Variants in DCC observed in about 807,000 individuals in gnomAD.
DCC encodes the protein netrin receptor DCC.
DCC carries 58 observed loss-of-function variants against 172.5 expected under a neutral mutation model. The ratio of observed to expected loss-of-function variants is 0.34; its 90% CI spans 0.27 to 0.42. The LOEUF (loss-of-function observed/expected upper bound fraction) is 0.42. Among genes scored for constraint, DCC ranks in the 10% least tolerant of loss-of-function variants. The pLI, the probability that DCC is intolerant of heterozygous loss-of-function variation, is 1.00. For missense variants in DCC, 1,740 were observed against 1,791.0 expected (o/e 0.97, Z 0.51); for synonymous variants, 709 against 644.5 (o/e 1.10, Z -1.52).
intron 1 of DCC, among the ~76,000 whole-genome samples, chr18:52,695,429 T>C (rs2035997536): frequency 6.6e-6 from 1 of 152,328 alleles, no homozygotes; most frequent in South Asian, 2.1e-4. Flanking sequence ...GAGCAGAATC[T>C]TGGCTGCTCA....
intron 9 of DCC, among the ~76,000 whole-genome samples, chr18:53,198,678 T>C (rs569514589): frequency 3.3e-5 from 5 of 152,316 alleles, no homozygotes; most frequent in Non-Finnish European, 5.9e-5. Context: ...ATACATCTCA[T>C]TTACTCCAAC....
intron 1 of DCC, among the ~76,000 whole-genome samples, chr18:52,536,612 C>T (rs1163755774): frequency 1.3e-5 from 2 of 152,022 alleles, no homozygotes; most frequent in Non-Finnish European, 2.9e-5. Flanking sequence ...TCTCAATCTT[C>T]AAGAAAGGCA....
chr18:52,811,984 C>T (rs1016757565), intron 2 of DCC, among the ~76,000 whole-genome samples: 4 of 152,134 alleles, frequency 2.6e-5, no homozygotes, highest in African/African-American at 9.6e-5. Flanking sequence ...CAAAAGGCAA[C>T]TTTTAAGAAT....
At chr18:53,423,134 T>A (rs530383179) in intron 21 of DCC, among the ~76,000 whole-genome samples, 39 of 152,332 alleles carry the variant, frequency 2.6e-4, no homozygotes, top group African/African-American at 9.4e-4. Context: ...TAGGAATTGA[T>A]GTGATTCATG....
In DCC at chr18:53,226,934, G is replaced by GTGTA. The variant is rs34949557; in HGVS notation, c.1911+11338_1911+11339insGTAT. Among the ~76,000 whole-genome samples the GTGTA allele has an allele frequency of 8.5e-3, 578 of 68,000 alleles. 11 individuals carry two copies. Among genetic ancestry groups the GTGTA allele is most frequent in the Middle Eastern group, 0.032 (4 of 124 alleles). 44.6% of individuals were successfully genotyped at this position (68,000 alleles called of 152,430 possible). A position where few individuals can be genotyped will look rare whatever the true frequency, so the allele number is the denominator to read the frequency against. ...TGTAACTGTGTGTGTGTGTGTGTGT[G>GTGTA]TATATATATATATATTTTTTTTTTT... On this transcript the variant is annotated intron_variant, in intron 12 of 28. Transcript: ENST00000442544.
chr18:53,134,677 C>T (rs1003894814), intron 7 of DCC, among the ~76,000 whole-genome samples: 3 of 152,094 alleles, frequency 2.0e-5, no homozygotes, highest in African/African-American at 4.8e-5. Flanking sequence ...GGTGGGTAGA[C>T]TATAGTTAAA....
chr18:52,943,740 T>G (rs1206443090), intron 5 of DCC, among the ~76,000 whole-genome samples: 1 of 80,060 alleles, frequency 1.2e-5, no homozygotes, highest in African/African-American at 3.9e-5. Context: ...AATTTATGGT[T>G]TTTTTTTTTG....
chr18:52,456,560 A>G (rs1407779481), intron 1 of DCC, among the ~76,000 whole-genome samples: 1 of 152,204 alleles, frequency 6.6e-6, no homozygotes, highest in Non-Finnish European at 1.5e-5. Context: ...TAACGATATT[A>G]AGGTTTAAAA....
intron 7 of DCC, among the ~76,000 whole-genome samples, chr18:53,123,399 TAG>T (rs2043511431): frequency 6.6e-6 from 1 of 151,938 alleles, no homozygotes; most frequent in Non-Finnish European, 1.5e-5. Context: ...GTTTTGGGGC[TAG>T]ATCAGTGAAG....
chr18:52,879,412 C>CTTTTATTTTTT (rs2039448452), intron 2 of DCC, among the ~76,000 whole-genome samples: 1 of 62,356 alleles, frequency 1.6e-5, no homozygotes, highest in African/African-American at 6.9e-5. Flanking sequence ...TGTTGTTTGG[C>CTTTTATTTTTT]TTTTTTTTTT....
intron 17 of DCC, among the ~76,000 whole-genome samples, chr18:53,393,033 A>G (rs1908668854): frequency 6.6e-6 from 1 of 152,178 alleles, no homozygotes; most frequent in South Asian, 2.1e-4. Flanking sequence ...TGATTGGGGT[A>G]GCTCTTGAGG....
intron 19 of DCC, among the ~76,000 whole-genome samples, chr18:53,405,190 T>TAA (rs367591898): frequency 0.47 from 65,210 of 138,802 alleles, 15,409 homozygotes; most frequent in Non-Finnish European, 0.56. Context: ...TAATAAAAAG[T>TAA]AAAAAAAAAA....
At chr18:52,776,660 A>G (rs2037440327) in intron 2 of DCC, among the ~76,000 whole-genome samples, 1 of 152,162 alleles carries the variant, frequency 6.6e-6, no homozygotes, top group Non-Finnish European at 1.5e-5. Flanking sequence ...TAGTGGATCT[A>G]CTATACGATT....
intron 2 of DCC, among the ~76,000 whole-genome samples, chr18:52,905,468 G>GTGGAT (rs1212691626): frequency 3.9e-5 from 6 of 152,164 alleles, no homozygotes; most frequent in African/African-American, 1.4e-4. Context: ...CCTGGCAAAT[G>GTGGAT]TGGATGAACA....
chr18:52,370,559 G>C (rs1018282949), intron 1 of DCC, among the ~76,000 whole-genome samples: 3 of 152,144 alleles, frequency 2.0e-5, no homozygotes, highest in Non-Finnish European at 4.4e-5. Context: ...ACTCAGGCCT[G>C]TCAGGGGTGT....
chr18:53,292,404 C>T lies in DCC; in HGVS notation c.1912-13174C>T, dbSNP rs900900538. The stretch of plus-strand genomic sequence containing the variant: ...ATTTACTATTTAAAAAAAACCACCT[C>T]AGCCAGGCATGGTGGCTTACACCTG... On this transcript the variant is annotated intron_variant, in intron 12 of 28. Transcript: ENST00000442544. 3.1e-4 allele frequency among the ~76,000 whole-genome samples: 47 copies of T among 152,206 alleles called. No homozygotes were observed. In the East Asian group the frequency reaches 6.0e-3, roughly 19 times the overall value.
intron 1 of DCC, among the ~76,000 whole-genome samples, chr18:52,427,941 T>C (rs1987496946): frequency 6.7e-6 from 1 of 150,030 alleles, no homozygotes; most frequent in South Asian, 2.1e-4. Context: ...GCAGCTGATC[T>C]GGAGCCAAAA....
At chr18:52,900,028 T>C (rs2039788420) in intron 2 of DCC, among the ~76,000 whole-genome samples, 1 of 152,220 alleles carries the variant, frequency 6.6e-6, no homozygotes. Flanking sequence ...GTCTGGACGA[T>C]GGCTAGCAAA....
chr18:52,854,852 G>A (rs1057403014), intron 2 of DCC, among the ~76,000 whole-genome samples: 2 of 152,170 alleles, frequency 1.3e-5, no homozygotes, highest in Admixed American at 1.3e-4. Flanking sequence ...CATGCCTTCA[G>A]AGAGGCCTCC....
Sources: gnomAD v4.1 joint callset for allele counts (sites outside exome capture counted in the v4.1 genomes callset) on GRCh38, gnomAD v4.1.1 for gene constraint, MANE v1.5 for transcripts, NCBI Gene and HGNC (gene_info 2026-07-23, HGNC 2026-07-21) for gene names.